STAG3: variants seen among roughly 807,000 people sequenced by gnomAD.
The protein encoded by STAG3 is cohesin subunit SA-3.
In STAG3, 101 loss-of-function variants were observed where a neutral mutation model predicts 160.7. The observed-to-expected ratio is 0.63, with a 90% confidence interval of 0.54 to 0.74. The LOEUF is 0.74. Among genes scored for constraint, STAG3 ranks in the 30% least tolerant of loss-of-function variants. The pLI is 0.00. For missense variants in STAG3, 1,188 were observed against 1,517.4 expected, an observed-to-expected ratio of 0.78 and a Z score of 3.61; for synonymous variants, 519 against 585.0, an observed-to-expected ratio of 0.89 and a Z score of 1.63.
chr7:100,182,774 A>C lies in STAG3; in HGVS notation c.271A>C (p.Lys91Gln). 2 of 1,613,982 alleles carry C rather than the reference A, an allele frequency of 1.2e-6. No individual in the cohort carries two copies. Among genetic ancestry groups the C allele is most frequent in the Non-Finnish European group, 1.7e-6 (2 of 1,179,908 alleles). ...GSRVVHRHSR[K>Q]QSEPPANDLF... Reference sequence around the variant, plus strand: ...CCGAGTGGTACATCGTCATAGCCGGAAACAGTCAGAGCCACCAGCCAATGA... The same window carrying C: ...CCGAGTGGTACATCGTCATAGCCGGCAACAGTCAGAGCCACCAGCCAATGA... The change falls in exon 4 of 34, where the codon AAA (lysine) becomes CAA (glutamine). Residue 91 changes from lysine (K) to glutamine (Q), a missense_variant. Transcript: ENST00000615138.
chr7:100,193,163 C>T (rs1800445397), intron 8 of STAG3, among the ~76,000 whole-genome samples: 1 of 152,104 alleles, frequency 6.6e-6, no homozygotes, highest in South Asian at 2.1e-4. Flanking sequence ...TAGGCCTCAC[C>T]CATGTGCTTA....
intron 25 of STAG3, 39 bp from the exon 26 acceptor site, chr7:100,203,982 C>T: frequency 7.0e-7 from 1 of 1,424,100 alleles, no homozygotes; most frequent in African/African-American, 1.4e-5. Flanking sequence ...TGGTCTTTTC[C>T]ACCAGTCAGA....
intron 9 of STAG3, among the ~76,000 whole-genome samples, chr7:100,196,878 C>G (rs1800725780): frequency 6.6e-6 from 1 of 151,998 alleles, no homozygotes; most frequent in African/African-American, 2.4e-5. Flanking sequence ...TTTTTGTAGT[C>G]CTAGCTACTT....
chr7:100,209,850 T>C (rs941287), intron 29 of STAG3, among the ~76,000 whole-genome samples: 79,312 of 151,912 alleles, frequency 0.52, 21,166 homozygotes, highest in African/African-American at 0.61. Context: ...GACAGAAGGA[T>C]GGAGTTGACA....
chr7:100,190,933 T>G (rs957772599), intron 8 of STAG3, among the ~76,000 whole-genome samples: 3 of 152,220 alleles, frequency 2.0e-5, no homozygotes, highest in African/African-American at 7.2e-5. Context: ...TAGTGTAAAA[T>G]ATGGACATAT....
At chr7:100,190,981 G>A (rs1194934203) in intron 8 of STAG3, among the ~76,000 whole-genome samples, 5 of 152,048 alleles carry the variant, frequency 3.3e-5, no homozygotes, top group African/African-American at 7.2e-5. Context: ...ATGTCCTGTC[G>A]AAAATGATAT....
intron 29 of STAG3, among the ~76,000 whole-genome samples, chr7:100,209,293 TA>T (rs946356114): frequency 6.6e-6 from 1 of 152,280 alleles, no homozygotes. Context: ...GCGAATTTTT[TA>T]TAACAGGTGA....
chr7:100,207,055 A>G lies in STAG3; in HGVS notation c.3238+1671A>G, dbSNP rs528790089. On this transcript the variant is annotated intron_variant, in intron 29 of 33. Coordinates refer to ENST00000615138, the MANE Select transcript of STAG3 (RefSeq NM_001282717.2). This position sits in a 1 kb window ranked among gnomAD's most constrained non-coding sequence, Gnocchi z 4.0. The stretch of plus-strand genomic sequence containing the variant: ...TCAACGTTCATCCATACTTTGACAT[A>G]TATCAGTATCTCATACCTTTTTATG... Among the ~76,000 whole-genome samples, 155 of 152,298 alleles carry G rather than the reference A, an allele frequency of 1.0e-3. 1 individual carries two copies. In the South Asian group the frequency reaches 0.029, roughly 29 times the overall value.
intron 22 of STAG3, 37 bp from the exon 23 acceptor site, chr7:100,201,912 G>A: frequency 6.2e-7 from 1 of 1,614,064 alleles, no homozygotes; most frequent in Non-Finnish European, 8.5e-7. Context: ...AGGAGTCTGT[G>A]TCTTCATTCT....
Position 100,180,567 on chromosome 7 carries a change from C to G in STAG3, c.11C>G (p.Pro4Arg). 1.2e-6 allele frequency: 2 copies of G among 1,606,968 alleles called. No homozygotes were observed. Among genetic ancestry groups the G allele is most frequent in the Non-Finnish European group, 1.7e-6 (2 of 1,173,398 alleles). ...TCCTCCTCTCCAAGCATGTCTTCCCCGTTGCAAAGAGCTGTGGGAGATACC... is the reference window on the plus strand; with the variant it reads ...TCCTCCTCTCCAAGCATGTCTTCCCGGTTGCAAAGAGCTGTGGGAGATACC... Reference protein sequence around the residue: MSSPLQRAVGDTKR... With the variant: MSSRLQRAVGDTKR... The change falls in exon 2 of 34, where the codon CCG becomes CGG. Residue 4 changes from proline to arginine, a missense_variant. Pro to Arg is a moderately radical substitution (Grantham distance 103). Around this residue, in one of 4 missense-constraint regions of STAG3, gnomAD observed 296 missense variants for 404.0 expected, o/e 0.73. Transcript: ENST00000615138.
At chr7:100,194,452 T>G (rs1288962359) in intron 8 of STAG3, among the ~76,000 whole-genome samples, 1 of 152,124 alleles carries the variant, frequency 6.6e-6, no homozygotes, top group Non-Finnish European at 1.5e-5. Flanking sequence ...AAGTTTGCCA[T>G]CTTATATGGG....
chr7:100,200,772 C>G lies in STAG3; in HGVS notation c.1864C>G (p.Leu622Val). The change falls in exon 19 of 34, where the codon CTG (leucine) becomes GTG (valine). Residue 622 changes from leucine to valine, a missense_variant. By Grantham distance (32) the Leu-to-Val change is conservative. Transcript: ENST00000615138. Reference sequence around the variant, plus strand: ...ATCTTCTGCCTTTTCTTCTCAGCACCTGGAGCTGTTCCTGCAGCAACTCCA... The same window carrying G: ...ATCTTCTGCCTTTTCTTCTCAGCACGTGGAGCTGTTCCTGCAGCAACTCCA... Reference protein sequence around the residue: ...IYCTGRLEKHLELFLQQLQEV... With the variant: ...IYCTGRLEKHVELFLQQLQEV... 1 of 1,614,092 alleles carries G rather than the reference C, an allele frequency of 6.2e-7. No homozygotes were observed. The highest frequency in any genetic ancestry group is 1.3e-5 in the African/African-American group (1 of 75,062).
intron 23 of STAG3, 51 bp from the exon 24 acceptor site, chr7:100,202,121 A>C (rs1332230942): frequency 6.2e-7 from 1 of 1,608,848 alleles, no homozygotes; most frequent in African/African-American, 1.3e-5. Context: ...TGTCATTTCT[A>C]CCTTGGGAAA....
At chr7:100,182,320 CT>C in intron 3 of STAG3, 128 bp downstream of exon 3, 1 of 659,916 alleles carries the variant, frequency 1.5e-6, no homozygotes, top group Non-Finnish European at 2.6e-6. Context: ...GATTGCGCCC[CT>C]GCACTCTAGC....
rs914062964 is a variant in STAG3 at position 100,207,035 on chromosome 7, G to A, written c.3238+1651G>A. Among the ~76,000 whole-genome samples the A allele has an allele frequency of 1.3e-5, 2 of 152,028 alleles. No individual in the cohort carries two copies. The highest frequency in any genetic ancestry group is 2.9e-5 in the Non-Finnish European group (2 of 68,004). On this transcript the variant is annotated intron_variant, in intron 29 of 33. Coordinates refer to ENST00000615138, the MANE Select transcript of STAG3 (RefSeq NM_001282717.2). The surrounding 1 kb of genome is among the most constrained non-coding windows in gnomAD (Gnocchi z 4.0). ...TTTCACTTAGTACAGTGTTTTCAACGTTCATCCATACTTTGACATATATCA... is the reference window on the plus strand; with the variant it reads ...TTTCACTTAGTACAGTGTTTTCAACATTCATCCATACTTTGACATATATCA...
In STAG3 at chr7:100,200,254, C is replaced by T. The variant is rs1050008131; in HGVS notation, c.1696C>T (p.Arg566Cys). The change falls in exon 17 of 34, where the codon CGC becomes TGC. Residue 566 changes from arginine to cysteine, a missense_variant. Physicochemically the swap from Arg to Cys is radical, Grantham distance 180. Around this residue, in one of 4 missense-constraint regions of STAG3, gnomAD observed 240 missense variants for 358.1 expected, o/e 0.67. Coordinates refer to ENST00000615138, the MANE Select transcript of STAG3 (RefSeq NM_001282717.2). Reference sequence around the variant, plus strand: ...ATTCCAGGGCTTAACCTCTAAGGAGCGCAAGACCCAAGCCGATGACAGGGT... The same window carrying T: ...ATTCCAGGGCTTAACCTCTAAGGAGTGCAAGACCCAAGCCGATGACAGGGT... ...TGRKGLTSKE[R>C]KTQADDRVKL... The T allele has an allele frequency of 5.0e-6, 8 of 1,612,262 alleles. No individual in the cohort carries two copies. The highest frequency in any genetic ancestry group is 4.5e-5 in the East Asian group (2 of 44,850).
intron 20 of STAG3, 25 bp downstream of exon 20, chr7:100,201,185 C>T (rs1427456240): frequency 1.9e-6 from 3 of 1,614,064 alleles, no homozygotes; most frequent in African/African-American, 2.7e-5. Flanking sequence ...TCCTCTTCCC[C>T]ATCCCGTTTT....
At chr7:100,217,568 A>G (rs1469675207), downstream of STAG3, among the ~76,000 whole-genome samples, 1 of 152,202 alleles carries the variant, frequency 6.6e-6, no homozygotes, top group African/African-American at 2.4e-5. Context: ...CCGGGGGACC[A>G]CTACCACCTA....
At chr7:100,213,877 T>C in intron 33 of STAG3, 71 bp downstream of exon 33, 2 of 1,613,602 alleles carry the variant, frequency 1.2e-6, no homozygotes, top group Non-Finnish European at 8.5e-7. Flanking sequence ...ACTCATCAAA[T>C]TGACAGGCCA....
Sources: allele counts gnomAD v4.1 joint callset (sites outside exome capture counted in the v4.1 genomes callset), GRCh38; gene constraint gnomAD v4.1.1; regional missense constraint gnomAD v4.1.1; non-coding constraint Gnocchi (gnomAD v3.1); transcripts MANE v1.5; gene names NCBI Gene and HGNC (gene_info 2026-07-23, HGNC 2026-07-21).